The following WWP1 variants were observed in gnomAD, a reference collection of about 807,000 sequenced individuals.
The protein encoded by WWP1 is NEDD4-like E3 ubiquitin-protein ligase WWP1.
In WWP1, 49 loss-of-function variants were observed where a neutral mutation model predicts 130.6. The ratio of observed to expected loss-of-function variants is 0.38; its 90% CI spans 0.30 to 0.48. The LOEUF (loss-of-function observed/expected upper bound fraction) is 0.48. WWP1 is among the 20% of genes least tolerant of loss of function. WWP1 has a pLI of 0.99. For synonymous variants in WWP1, 332 were observed against 367.8 expected (o/e 0.90, Z 1.11); for missense variants, 809 against 1,100.6 (o/e 0.74, Z 3.75).
chr8:86,415,093 T>G (rs1372828395), intron 9 of WWP1, among the ~76,000 whole-genome samples: 2 of 152,128 alleles, frequency 1.3e-5, no homozygotes, highest in Non-Finnish European at 2.9e-5. Flanking sequence ...AAGAAGAATA[T>G]TCTAGCCTGG....
chr8:86,406,089 A>G (rs1322182344), intron 8 of WWP1, among the ~76,000 whole-genome samples: 8 of 152,292 alleles, frequency 5.3e-5, no homozygotes, highest in Non-Finnish European at 1.0e-4. Context: ...GGAGGCAGTC[A>G]TGATGTAGTA....
intron 1 of WWP1, among the ~76,000 whole-genome samples, chr8:86,359,110 T>G (rs1339232433): frequency 6.6e-6 from 1 of 152,170 alleles, no homozygotes; most frequent in Non-Finnish European, 1.5e-5. Flanking sequence ...GCAGCCAGAT[T>G]GGGGACAATT....
intron 3 of WWP1, among the ~76,000 whole-genome samples, chr8:86,377,426 C>G (rs989978815): frequency 2.0e-5 from 3 of 151,988 alleles, no homozygotes; most frequent in South Asian, 4.2e-4. Context: ...ACAGTAAGTA[C>G]TCAGATTAAG....
chr8:86,450,655 G>A (rs1235050801), intron 20 of WWP1, among the ~76,000 whole-genome samples: 8 of 152,180 alleles, frequency 5.3e-5, no homozygotes, highest in African/African-American at 1.9e-4. Context: ...GCAATTTTTG[G>A]AGGATTTTGT....
At chr8:86,354,460 A>G (rs1823140910) in intron 1 of WWP1, among the ~76,000 whole-genome samples, 8 of 151,876 alleles carry the variant, frequency 5.3e-5, no homozygotes. Flanking sequence ...AGCTTTTTGC[A>G]TTTTGGGTCA....
intron 5 of WWP1, among the ~76,000 whole-genome samples, chr8:86,394,098 A>G (rs1345161158): frequency 6.6e-6 from 1 of 152,260 alleles, no homozygotes; most frequent in East Asian, 1.9e-4. Flanking sequence ...TTTAGCCAGT[A>G]AGTTTCAGAA....
At chr8:86,361,294 CA>C (rs1823581641) in intron 1 of WWP1, among the ~76,000 whole-genome samples, 1 of 152,084 alleles carries the variant, frequency 6.6e-6, no homozygotes, top group Admixed American at 6.6e-5. Context: ...GACATATTAA[CA>C]TATCCCCTTC....
chr8:86,429,984 A>C lies in WWP1; in HGVS notation c.1333-713A>C, dbSNP rs191596821. On this transcript the variant is annotated intron_variant, in intron 11 of 24. Transcript: ENST00000517970. ...GAGGCTGAGGCGGGTGGATCGCTTG[A>C]GCCTAGGAGTTCGAGACCAGCCTCA... 1.7e-3 allele frequency among the ~76,000 whole-genome samples: 264 copies of C among 152,198 alleles called. 3 individuals are homozygous for C. Among genetic ancestry groups the C allele is most frequent in the African/African-American group, 6.1e-3 (254 of 41,532 alleles).
At chr8:86,370,855 C>CTTT (rs555585296) in intron 2 of WWP1, among the ~76,000 whole-genome samples, 1,372 of 44,856 alleles carry the variant, frequency 0.031, 451 homozygotes, top group African/African-American at 0.13. Context: ...TATATTCATT[C>CTTT]TTTTTTTTTT....
At chr8:86,371,332 A>G (rs1322769473) in intron 2 of WWP1, among the ~76,000 whole-genome samples, 1 of 152,198 alleles carries the variant, frequency 6.6e-6, no homozygotes, top group Non-Finnish European at 1.5e-5. Flanking sequence ...TATACTTGGT[A>G]CACAGGTACA....
At chr8:86,401,828 T>C (rs1807996456) in intron 7 of WWP1, among the ~76,000 whole-genome samples, 191 bp from the exon 8 acceptor site, 1 of 152,154 alleles carries the variant, frequency 6.6e-6, no homozygotes, top group Admixed American at 6.5e-5. Context: ...ATATCTTTGT[T>C]CATTACTCTA....
rs1809929644 is a variant in WWP1 at position 86,431,003 on chromosome 8, A to G, written c.1387+252A>G. 1.4e-5 allele frequency among the ~76,000 whole-genome samples: 2 copies of G among 138,724 alleles called. 1 individual carries two copies. Among genetic ancestry groups the G allele is most frequent in the South Asian group, 4.3e-4 (2 of 4,680 alleles). The allele number at this position is 138,724 out of a possible 152,430, so 91.0% of individuals were successfully genotyped here. On this transcript the variant is annotated intron_variant, in intron 12 of 24. Coordinates refer to ENST00000517970, the MANE Select transcript of WWP1 (RefSeq NM_007013.4). ...AGAATATATAATCCATATTAAATAT[A>G]TTATATATTATAAGGGATATATATG...
chr8:86,411,430 G>A, intron 8 of WWP1, 108 bp from the exon 9 acceptor site: 1 of 837,850 alleles, frequency 1.2e-6, no homozygotes, highest in Non-Finnish European at 1.8e-6. Flanking sequence ...AGAATGGATT[G>A]TAGTTGCTTA....
At chr8:86,399,710 T>TTGCATAGTAAG (rs1301324820) in intron 7 of WWP1, among the ~76,000 whole-genome samples, 1 of 152,190 alleles carries the variant, frequency 6.6e-6, no homozygotes, top group Non-Finnish European at 1.5e-5. Context: ...ATGTTGTCAA[T>TTGCATAGTAAG]TGCATAGTAA....
chr8:86,441,949 G>C (rs1406808491), intron 17 of WWP1, among the ~76,000 whole-genome samples: 3 of 152,036 alleles, frequency 2.0e-5, no homozygotes, highest in African/African-American at 7.3e-5. Context: ...TTCGCATATT[G>C]GACTTTAAAA....
At chr8:86,453,752 C>T (rs1413911428) in intron 21 of WWP1, among the ~76,000 whole-genome samples, 2 of 151,978 alleles carry the variant, frequency 1.3e-5, no homozygotes, top group African/African-American at 2.4e-5. Context: ...AGTATCCACC[C>T]TAATGGGTGT....
At chr8:86,355,267 A>C (rs1823185869) in intron 1 of WWP1, among the ~76,000 whole-genome samples, 1 of 152,226 alleles carries the variant, frequency 6.6e-6, no homozygotes, top group African/African-American at 2.4e-5. Context: ...GATGATGAGC[A>C]CAGTGTAGAA....
intron 3 of WWP1, among the ~76,000 whole-genome samples, chr8:86,377,403 T>C (rs1031558222): frequency 2.0e-5 from 3 of 152,112 alleles, no homozygotes; most frequent in Non-Finnish European, 4.4e-5. Context: ...AGGCTTTTCT[T>C]TTCTTTTTAA....
At chr8:86,460,195 A>G (rs951592159) in intron 22 of WWP1, among the ~76,000 whole-genome samples, 6 of 152,200 alleles carry the variant, frequency 3.9e-5, no homozygotes, top group Admixed American at 1.3e-4. Flanking sequence ...TTCAGGTACT[A>G]GTCAGGAAGA....
Sources: gnomAD v4.1 joint callset for allele counts (sites outside exome capture counted in the v4.1 genomes callset) on GRCh38, gnomAD v4.1.1 for gene constraint, MANE v1.5 for transcripts, NCBI Gene and HGNC (gene_info 2026-07-23, HGNC 2026-07-21) for gene names.